The following PPARGC1A variants were observed in gnomAD, a reference collection of about 807,000 sequenced individuals.
PPARGC1A encodes peroxisome proliferator-activated receptor gamma coactivator 1-alpha.
PPARGC1A carries 25 observed loss-of-function variants against 88.7 expected under a neutral mutation model. The observed-to-expected ratio is 0.28, with a 90% CI of 0.21 to 0.39. The LOEUF (loss-of-function observed/expected upper bound fraction) is 0.39. Ranked by LOEUF, PPARGC1A falls within the 10% of genes least tolerant of loss-of-function variation. PPARGC1A has a pLI of 1.00. For missense variants in PPARGC1A, 880 were observed against 968.7 expected (o/e 0.91, Z 1.22); for synonymous variants, 363 against 355.6 (o/e 1.02, Z -0.24).
At chr4:23,808,871 C>T (rs1290058096) in intron 10 of PPARGC1A, among the ~76,000 whole-genome samples, 1 of 151,968 alleles carries the variant, frequency 6.6e-6, no homozygotes, top group Non-Finnish European at 1.5e-5. Context: ...ACTTATGGAA[C>T]TCAAAATAGA....
chr4:24,186,471 C>A, the PPARGC1A span, among the ~76,000 whole-genome samples: 1 of 152,104 alleles, frequency 6.6e-6, no homozygotes, highest in South Asian at 2.1e-4. Context: ...GACTGCGTGA[C>A]CTTGGGCAGT....
At chr4:23,863,348 T>C (rs918355583) in intron 2 of PPARGC1A, among the ~76,000 whole-genome samples, 1 of 152,130 alleles carries the variant, frequency 6.6e-6, no homozygotes, top group Non-Finnish European at 1.5e-5. Context: ...TATTGTCTTT[T>C]TTTCTGCTCC....
chr4:24,180,368 C>T, the PPARGC1A span, among the ~76,000 whole-genome samples: 3 of 152,154 alleles, frequency 2.0e-5, no homozygotes, highest in Non-Finnish European at 4.4e-5. Flanking sequence ...GTTTCATAAA[C>T]TGGTTACATT....
the PPARGC1A span, among the ~76,000 whole-genome samples, chr4:24,176,916 A>G: frequency 3.9e-5 from 6 of 152,194 alleles, no homozygotes; most frequent in African/African-American, 1.4e-4. Flanking sequence ...AACCTTTTCA[A>G]TTCTCTGCTG....
At chr4:24,237,761 T>C in the PPARGC1A span, among the ~76,000 whole-genome samples, 2 of 152,204 alleles carry the variant, frequency 1.3e-5, no homozygotes, top group Non-Finnish European at 2.9e-5. Flanking sequence ...AAAACTATGC[T>C]AGAGGCAACA....
chr4:23,812,634 C>T, intron 10 of PPARGC1A, 113 bp downstream of exon 10: 1 of 1,507,220 alleles, frequency 6.6e-7, no homozygotes, highest in Non-Finnish European at 8.9e-7. Flanking sequence ...CTGAAAATGG[C>T]CTGTTCTAAC....
chr4:24,130,701 G>A, the PPARGC1A span, among the ~76,000 whole-genome samples: 1 of 152,058 alleles, frequency 6.6e-6, no homozygotes, highest in Admixed American at 6.5e-5. Flanking sequence ...AGACCTGAAC[G>A]TCCTCATCTG....
upstream of PPARGC1A, among the ~76,000 whole-genome samples, chr4:23,901,295 G>A (rs1488416012): frequency 4.6e-5 from 7 of 150,842 alleles, no homozygotes; most frequent in Non-Finnish European, 7.4e-5. Flanking sequence ...GCGTGAACCC[G>A]GGAGGCGGAG....
the PPARGC1A span, among the ~76,000 whole-genome samples, chr4:23,979,477 C>T: frequency 6.6e-5 from 10 of 152,218 alleles, no homozygotes; most frequent in East Asian, 1.2e-3. Flanking sequence ...AAAGTCTGCT[C>T]GGCTTACAAT....
chr4:23,942,973 A>G, the PPARGC1A span, among the ~76,000 whole-genome samples: 3 of 152,206 alleles, frequency 2.0e-5, 1 homozygote, highest in South Asian at 6.2e-4. Flanking sequence ...TAGTGGAATA[A>G]ATATAAGTAC....
the PPARGC1A span, among the ~76,000 whole-genome samples, chr4:24,184,371 C>T: frequency 6.6e-6 from 1 of 152,174 alleles, no homozygotes; most frequent in Non-Finnish European, 1.5e-5. Flanking sequence ...TCCCGCCTCC[C>T]ATGGGTCTTT....
chr4:24,228,377 C>G, the PPARGC1A span, among the ~76,000 whole-genome samples: 1 of 152,120 alleles, frequency 6.6e-6, no homozygotes, highest in Non-Finnish European at 1.5e-5. Context: ...CTGACCTAAG[C>G]AAATTAACAC....
At chr4:24,306,518 C>A in the PPARGC1A span, among the ~76,000 whole-genome samples, 2 of 152,168 alleles carry the variant, frequency 1.3e-5, no homozygotes, top group Admixed American at 1.3e-4. Flanking sequence ...GAACATCCAG[C>A]ATAGTAGTAC....
At chr4:24,067,002 A>G in the PPARGC1A span, among the ~76,000 whole-genome samples, 1 of 152,240 alleles carries the variant, frequency 6.6e-6, no homozygotes, top group South Asian at 2.1e-4. Context: ...AAGACATAGC[A>G]TATGCCCTGA....
chr4:23,992,888 T>C, the PPARGC1A span, among the ~76,000 whole-genome samples: 39 of 151,900 alleles, frequency 2.6e-4, no homozygotes, highest in African/African-American at 9.0e-4. Context: ...GTCTCTATGT[T>C]CAATTAAACA....
At chr4:23,940,033 T>C in the PPARGC1A span, among the ~76,000 whole-genome samples, 3 of 152,358 alleles carry the variant, frequency 2.0e-5, no homozygotes, top group South Asian at 2.1e-4. Flanking sequence ...TCAACGTTCC[T>C]GGAACCTTCC....
the PPARGC1A span, among the ~76,000 whole-genome samples, chr4:24,126,755 C>G: frequency 6.6e-6 from 1 of 152,200 alleles, no homozygotes; most frequent in Non-Finnish European, 1.5e-5. Context: ...GGGCGGCATG[C>G]TAGTAGCCAT....
the PPARGC1A span, among the ~76,000 whole-genome samples, chr4:24,468,449 G>T: frequency 1.3e-5 from 2 of 152,110 alleles, no homozygotes; most frequent in African/African-American, 2.4e-5. Context: ...ACACACACTT[G>T]CTATGATATG....
At chr4:24,162,591 CTTTT>C in the PPARGC1A span, among the ~76,000 whole-genome samples, 6 of 128,036 alleles carry the variant, frequency 4.7e-5, no homozygotes, top group Admixed American at 8.2e-5. Flanking sequence ...TCCTTACTTC[CTTTT>C]TTTTTTTTTT....
Sources: allele counts gnomAD v4.1 joint callset (sites outside exome capture counted in the v4.1 genomes callset), GRCh38; gene constraint gnomAD v4.1.1; transcripts MANE v1.5; gene names NCBI Gene and HGNC (gene_info 2026-07-23, HGNC 2026-07-21).